The following RYR3 variants were observed in gnomAD, a reference collection of about 807,000 sequenced individuals.
The protein encoded by RYR3 is brain ryanodine receptor-calcium release channel.
RYR3 carries 207 observed loss-of-function variants against 584.3 expected under a neutral mutation model. The observed-to-expected ratio is 0.35, with a 90% CI of 0.32 to 0.40. The LOEUF (loss-of-function observed/expected upper bound fraction) is 0.40. Ranked by LOEUF, RYR3 falls within the 10% of genes least tolerant of loss-of-function variation. RYR3 has a pLI of 1.00. For missense variants in RYR3, 5,616 were observed against 6,089.2 expected (o/e 0.92, Z 2.59); for synonymous variants, 2,416 against 2,248.5 (o/e 1.07, Z -2.11).
At chr15:33,371,133 A>C (rs568190610) in intron 1 of RYR3, among the ~76,000 whole-genome samples, 5 of 152,350 alleles carry the variant, frequency 3.3e-5, no homozygotes, top group African/African-American at 1.2e-4. Flanking sequence ...TAAACCTGGT[A>C]ACAGCTCTTT....
At chr15:33,538,055 T>C (rs1283127596) in intron 5 of RYR3, among the ~76,000 whole-genome samples, 1 of 152,122 alleles carries the variant, frequency 6.6e-6, no homozygotes, top group Non-Finnish European at 1.5e-5. Flanking sequence ...TCATAGATAC[T>C]AATATAGCTG....
At chr15:33,623,746 C>G in intron 19 of RYR3, 61 bp from the exon 20 acceptor site, 1 of 1,243,660 alleles carries the variant, frequency 8.0e-7, no homozygotes, top group Non-Finnish European at 1.2e-6. Context: ...TTAATTTTCA[C>G]TTATTTGGGC....
At chr15:33,454,289 TA>T (rs1431227685) in intron 1 of RYR3, among the ~76,000 whole-genome samples, 2 of 152,208 alleles carry the variant, frequency 1.3e-5, no homozygotes, top group African/African-American at 2.4e-5. Flanking sequence ...TGCTTGCTTG[TA>T]AAACTGTTTA....
At chr15:33,713,414 GA>G (rs1188799024) in intron 43 of RYR3, among the ~76,000 whole-genome samples, 8 of 151,880 alleles carry the variant, frequency 5.3e-5, no homozygotes, top group African/African-American at 1.7e-4. Context: ...GGTGGTGGCT[GA>G]TGATGATGGT....
In RYR3 at chr15:33,726,377, A is replaced by G. The variant is rs745523041; in HGVS notation, c.6913-9A>G. 20 of 1,612,848 alleles carry G rather than the reference A, an allele frequency of 1.2e-5. 2 individuals are homozygous for G. The South Asian group carries it at 1.3e-4, about 11-fold the overall frequency. On this transcript the variant is annotated splice_polypyrimidine_tract_variant and intron_variant, in intron 45 of 103. Transcript: ENST00000634891. ...CTTATCTAATGTCATTCTCAACCCTATCTTCCAGCTCATCCAGACAGGAAA... is the reference window on the plus strand; with the variant it reads ...CTTATCTAATGTCATTCTCAACCCTGTCTTCCAGCTCATCCAGACAGGAAA...
At chr15:33,830,839 C>A in intron 85 of RYR3, 124 bp from the exon 86 acceptor site, 1 of 930,492 alleles carries the variant, frequency 1.1e-6, no homozygotes, top group Non-Finnish European at 1.6e-6. Context: ...CACAGGGTCC[C>A]TGGCTCCTGT....
chr15:33,793,921 A>ACACT (rs1555459911), intron 67 of RYR3, among the ~76,000 whole-genome samples: 1 of 44,028 alleles, frequency 2.3e-5, no homozygotes, highest in African/African-American at 4.3e-5. Context: ...ACACACACAC[A>ACACT]CTCTATATAT....
In RYR3 at chr15:33,627,446, T is replaced by G. The variant is rs2061050227; in HGVS notation, c.2575-1025T>G. On this transcript the variant is annotated intron_variant, in intron 20 of 103. Coordinates refer to ENST00000634891, the MANE Select transcript of RYR3 (RefSeq NM_001036.6). ...GACATTTGAACTAAATGCAGGAGGA[T>G]AAACGTTGAAGGTATTTGCCAGGTG... Among the ~76,000 whole-genome samples, 4 of 152,242 alleles carry G rather than the reference T, an allele frequency of 2.6e-5. No individual in the cohort carries two copies. In the South Asian group the frequency reaches 8.3e-4, roughly 32 times the overall value.
chr15:33,634,827 T>C (rs1255923581), intron 25 of RYR3, 94 bp downstream of exon 25: 3 of 1,046,972 alleles, frequency 2.9e-6, no homozygotes, highest in Middle Eastern at 2.1e-4. Flanking sequence ...ACTTGTACTA[T>C]TGGAAATAGT....
intron 1 of RYR3, among the ~76,000 whole-genome samples, chr15:33,358,655 TAAAA>T (rs35316835): frequency 1.5e-5 from 2 of 135,776 alleles, no homozygotes. Context: ...GTGGTATCGT[TAAAA>T]AAAAAAAAAA....
chr15:33,857,464 C>G (rs1262678551), intron 98 of RYR3, among the ~76,000 whole-genome samples: 1 of 152,112 alleles, frequency 6.6e-6, no homozygotes, highest in African/African-American at 2.4e-5. Flanking sequence ...GGCTGTATCT[C>G]CATCTCCAAA....
At chr15:33,731,128 A>G (rs893519438) in intron 47 of RYR3, among the ~76,000 whole-genome samples, 1 of 152,216 alleles carries the variant, frequency 6.6e-6, no homozygotes, top group African/African-American at 2.4e-5. Flanking sequence ...TGCAAGCATC[A>G]AAATGTTGGG....
intron 16 of RYR3, among the ~76,000 whole-genome samples, chr15:33,592,474 T>G (rs895902191): frequency 6.6e-6 from 1 of 152,190 alleles, no homozygotes; most frequent in African/African-American, 2.4e-5. Flanking sequence ...TGGAATCCCT[T>G]GTTGGATATC....
chr15:33,335,044 T>C (rs1970798755), intron 1 of RYR3, among the ~76,000 whole-genome samples: 3 of 152,026 alleles, frequency 2.0e-5, no homozygotes, highest in South Asian at 4.2e-4. Context: ...GTCAGTGAGG[T>C]TGTGAAGAAA....
intron 1 of RYR3, chr15:33,467,386 A>G (rs2048576495): frequency 5.4e-6 from 3 of 557,244 alleles, no homozygotes; most frequent in Non-Finnish European, 6.8e-6. Flanking sequence ...AGTTCCTCAC[A>G]GGTGACCCGT....
chr15:33,731,988 G>GTCTTCATTC (rs993568594), intron 48 of RYR3, among the ~76,000 whole-genome samples: 2 of 152,204 alleles, frequency 1.3e-5, no homozygotes, highest in African/African-American at 4.8e-5. Flanking sequence ...ATTAAGGGCT[G>GTCTTCATTC]TCTTCATTCT....
chr15:33,667,049 A>G (rs1369446240), intron 36 of RYR3, among the ~76,000 whole-genome samples: 1 of 152,124 alleles, frequency 6.6e-6, no homozygotes, highest in Non-Finnish European at 1.5e-5. Flanking sequence ...AAAAACCACA[A>G]ACGTGACCCA....
At chr15:33,707,817 T>A (rs1279357540) in intron 43 of RYR3, among the ~76,000 whole-genome samples, 1 of 151,656 alleles carries the variant, frequency 6.6e-6, no homozygotes, top group Admixed American at 6.6e-5. Context: ...ATCATGCCAG[T>A]TGTTCTAAGA....
intron 1 of RYR3, among the ~76,000 whole-genome samples, chr15:33,347,217 A>G (rs1410739102): frequency 2.0e-5 from 3 of 152,112 alleles, no homozygotes; most frequent in Non-Finnish European, 4.4e-5. Flanking sequence ...GCCTACACTT[A>G]AGGAGTGAAG....
Sources: allele counts gnomAD v4.1 joint callset (sites outside exome capture counted in the v4.1 genomes callset), GRCh38; gene constraint gnomAD v4.1.1; transcripts MANE v1.5; gene names NCBI Gene and HGNC (gene_info 2026-07-23, HGNC 2026-07-21).